Variants in STX18 observed in about 807,000 individuals in gnomAD.
The protein encoded by STX18 is syntaxin-18.
In STX18, 40 loss-of-function variants were observed where a neutral mutation model predicts 50.1. That is an observed-to-expected ratio of 0.80 (90% CI 0.62 to 1.04). The LOEUF (loss-of-function observed/expected upper bound fraction) is 1.04. STX18 is among the 50% of genes least tolerant of loss of function. The pLI is 0.00. For missense variants in STX18, 410 were observed against 415.8 expected, an observed-to-expected ratio of 0.99 and a Z score of 0.12; for synonymous variants, 158 against 151.8, an observed-to-expected ratio of 1.04 and a Z score of -0.30.
intron 1 of STX18, among the ~76,000 whole-genome samples, chr4:4,479,750 A>G (rs190495231): frequency 1.3e-5 from 2 of 152,366 alleles, no homozygotes; most frequent in East Asian, 3.9e-4. Flanking sequence ...ATTCATTATA[A>G]AACAGCAGTA....
intron 1 of STX18, among the ~76,000 whole-genome samples, chr4:4,481,910 TTTC>T (rs1156616634): frequency 1.3e-5 from 2 of 152,190 alleles, no homozygotes; most frequent in African/African-American, 2.4e-5. Context: ...CCTTTCTCGC[TTTC>T]TTCTTTTCTT....
intron 6 of STX18, among the ~76,000 whole-genome samples, chr4:4,435,549 A>C (rs1004584653): frequency 7.9e-5 from 12 of 152,212 alleles, no homozygotes; most frequent in African/African-American, 2.7e-4. Flanking sequence ...AGATGGTCCA[A>C]GTAGATCTAC....
rs551824637 is a variant in STX18 at position 4,542,003 on chromosome 4, C to T, written c.-39G>A. The T allele has an allele frequency of 2.6e-6, 4 of 1,519,608 alleles. No homozygotes were observed. The Admixed American group carries it at 6.1e-5, about 23-fold the overall frequency. The allele number at this position is 1,519,608 out of a possible 1,614,324, so 94.1% of individuals were successfully genotyped here. On this transcript the variant is annotated 5_prime_UTR_variant, in exon 1 of 11. The change creates a new upstream start codon in the 5' untranslated region. Coordinates refer to ENST00000306200, the MANE Select transcript of STX18 (RefSeq NM_016930.4). ...CTCAGCCCCACACTAGGCCCGCCCA[C>T]GTAAGCAGCCGGCGACCGCGGCGCG...
intron 1 of STX18, among the ~76,000 whole-genome samples, chr4:4,510,974 A>C (rs1431363428): frequency 6.6e-6 from 1 of 152,006 alleles, no homozygotes. Flanking sequence ...GGACACAGGG[A>C]GGGGAACAAC....
intron 2 of STX18, among the ~76,000 whole-genome samples, chr4:4,469,490 A>T (rs1247912947): frequency 6.6e-6 from 1 of 152,136 alleles, no homozygotes; most frequent in East Asian, 1.9e-4. Context: ...GAAGAAAAGA[A>T]CCGGATGACC....
chr4:4,457,630 C>T lies in STX18; in HGVS notation c.353-130G>A. The T allele has an allele frequency of 4.5e-6, 3 of 662,830 alleles. No homozygotes were observed. The East Asian group carries it at 8.2e-5, about 18-fold the overall frequency. The allele number at this position is 662,830 out of a possible 1,614,324, so 41.1% of individuals were successfully genotyped here. A position where few individuals can be genotyped will look rare whatever the true frequency, so the allele number is the denominator to read the frequency against. On this transcript the variant is annotated intron_variant, in intron 3 of 10. Transcript: ENST00000306200. ...ACACAGCTATAAAACAAGTCTTGTG[C>T]CAAGTGACACTACATTTTTAAAACA... is the stretch of plus-strand genomic sequence containing the variant.
rs758254446 is a variant in STX18 at position 4,541,846 on chromosome 4, C to T, written c.119G>A (p.Arg40His). ...GVDGSRDELF[R>H]RSPRPKGDFS... is the part of the protein sequence containing the mutation. The stretch of plus-strand genomic sequence containing the variant: ...GTCGCCCTTGGGCCGGGGGCTCCGG[C>T]GGAACAGCTCGTCCCGGCTGCCATC... The change falls in exon 1 of 11, where the codon CGC becomes CAC. Residue 40 changes from arginine (R) to histidine (H), a missense_variant. Transcript: ENST00000306200. The T allele has an allele frequency of 1.2e-6, 2 of 1,611,056 alleles. No individual in the cohort carries two copies. The highest frequency in any genetic ancestry group is 2.2e-5 in the South Asian group (2 of 90,834).
intron 5 of STX18, among the ~76,000 whole-genome samples, chr4:4,439,380 C>A (rs1056889595): frequency 4.0e-5 from 4 of 100,606 alleles, no homozygotes; most frequent in East Asian, 3.6e-4. Flanking sequence ...CACATATATA[C>A]CCCCTACATA....
At chr4:4,471,494 G>GAGGAGA in intron 2 of STX18, 145 bp downstream of exon 2, 1 of 542,076 alleles carries the variant, frequency 1.8e-6, no homozygotes, top group Non-Finnish European at 3.3e-6. Context: ...CTTTTGCTTT[G>GAGGAGA]AGGAGATTTT....
intron 1 of STX18, among the ~76,000 whole-genome samples, chr4:4,484,055 G>A (rs568850109): frequency 1.2e-4 from 19 of 152,124 alleles, no homozygotes; most frequent in South Asian, 4.2e-4. Flanking sequence ...GTAGAGATGG[G>A]GTTTCACCAT....
At chr4:4,500,604 T>C (rs1729404805) in intron 1 of STX18, among the ~76,000 whole-genome samples, 1 of 152,236 alleles carries the variant, frequency 6.6e-6, no homozygotes, top group South Asian at 2.1e-4. Context: ...GATGACCATA[T>C]AGCCCTCATA....
intron 2 of STX18, among the ~76,000 whole-genome samples, chr4:4,465,025 G>T (rs758165239): frequency 6.6e-6 from 1 of 151,886 alleles, no homozygotes; most frequent in Non-Finnish European, 1.5e-5. Flanking sequence ...TTGATGTTAG[G>T]TGTTAACTCG....
chr4:4,524,640 T>C (rs982600733), intron 1 of STX18, among the ~76,000 whole-genome samples: 3 of 152,258 alleles, frequency 2.0e-5, no homozygotes, highest in Non-Finnish European at 2.9e-5. Flanking sequence ...CAACACTGTG[T>C]GTGCAAGGCA....
intron 3 of STX18, among the ~76,000 whole-genome samples, chr4:4,458,743 C>T (rs1727210995): frequency 6.6e-6 from 1 of 151,834 alleles, no homozygotes; most frequent in Non-Finnish European, 1.5e-5. Flanking sequence ...CATAACAACC[C>T]TAGAGATACA....
Position 4,419,972 on chromosome 4 carries a change from A to G in STX18, c.*62T>C. ...TACCATGCTCCAGCACTGGAAGTAC[A>G]TGAAAGCACGCAGTCTGTGAGTGCC... On this transcript the variant is annotated 3_prime_UTR_variant, in exon 11 of 11. Transcript: ENST00000306200. 1 of 1,397,706 alleles carries G rather than the reference A, an allele frequency of 7.2e-7. No individual in the cohort carries two copies. The highest frequency in any genetic ancestry group is 2.5e-5 in the East Asian group (1 of 40,764). 86.6% of individuals were successfully genotyped at this position (1,397,706 alleles called of 1,614,324 possible).
chr4:4,457,520 T>C lies in STX18; in HGVS notation c.353-20A>G, dbSNP rs1727143818. On this transcript the variant is annotated intron_variant, in intron 3 of 10. Transcript: ENST00000306200. The stretch of plus-strand genomic sequence containing the variant: ...TGTGAGCTGTAACAGAAAAAGACAA[T>C]GTTCAGGCCTTCGCACTCAATTATC... 6.3e-7 allele frequency: 1 copy of C among 1,599,048 alleles called. No individual in the cohort carries two copies. Among genetic ancestry groups the C allele is most frequent in the Non-Finnish European group, 8.6e-7 (1 of 1,168,034 alleles).
At chr4:4,437,105 G>A (rs932307434) in intron 6 of STX18, among the ~76,000 whole-genome samples, 5 of 152,122 alleles carry the variant, frequency 3.3e-5, no homozygotes, top group South Asian at 2.1e-4. Flanking sequence ...GATTACAGGC[G>A]TGTGCCACCA....
intron 1 of STX18, among the ~76,000 whole-genome samples, chr4:4,498,691 C>T (rs1273723301): frequency 6.6e-6 from 1 of 152,068 alleles, no homozygotes; most frequent in Non-Finnish European, 1.5e-5. Context: ...GCAGTCAGGA[C>T]ATTTAAGGAG....
intron 2 of STX18, among the ~76,000 whole-genome samples, chr4:4,466,455 T>A (rs73086270): frequency 2.2e-4 from 34 of 152,178 alleles, no homozygotes; most frequent in African/African-American, 8.2e-4. Context: ...AGAGAAGGGA[T>A]TTGAAGAGGG....
Sources: allele counts gnomAD v4.1 joint callset (sites outside exome capture counted in the v4.1 genomes callset), GRCh38; gene constraint gnomAD v4.1.1; transcripts MANE v1.5; gene names NCBI Gene and HGNC (gene_info 2026-07-23, HGNC 2026-07-21).